PCDHA6: variants seen among roughly 807,000 people sequenced by gnomAD.
PCDHA6 encodes protocadherin alpha 6, also known as protocadherin alpha-6.
In PCDHA6, 55 loss-of-function variants were observed where a neutral mutation model predicts 60.3. The observed-to-expected ratio is 0.91, with a 90% confidence interval of 0.73 to 1.14. The LOEUF (loss-of-function observed/expected upper bound fraction) is 1.14, where lower values mean the gene tolerates loss of function less well. Ranked by LOEUF, PCDHA6 falls within the 50% of genes most tolerant of loss-of-function variation. The pLI, the probability that PCDHA6 is intolerant of heterozygous loss-of-function variation, is 0.00. For synonymous variants in PCDHA6, 652 were observed against 557.9 expected, an observed-to-expected ratio of 1.17 and a Z score of -2.38; for missense variants, 1,327 against 1,256.5, an observed-to-expected ratio of 1.06 and a Z score of -0.85.
intron 1 of PCDHA6, chr5:140,850,568 G>T (rs2150489760): frequency 1.3e-6 from 2 of 1,598,448 alleles, no homozygotes; most frequent in South Asian, 2.2e-5. Context: ...GCCCCGAGGT[G>T]ACGCTGGTGG....
At chr5:140,946,447 A>G (rs1206019841) in intron 1 of PCDHA6, among the ~76,000 whole-genome samples, 6 of 151,544 alleles carry the variant, frequency 4.0e-5, no homozygotes, top group Non-Finnish European at 7.4e-5. Context: ...AGACTAAAAC[A>G]ACTATCCAGC....
intron 1 of PCDHA6, chr5:140,858,627 T>A: frequency 1.8e-6 from 2 of 1,097,414 alleles, no homozygotes; most frequent in South Asian, 1.7e-5. Flanking sequence ...ACCCAGTGTG[T>A]CAGCCTTTGA....
At chr5:140,859,564 T>C (rs1485342006) in intron 1 of PCDHA6, 1 of 176,228 alleles carries the variant, frequency 5.7e-6, no homozygotes, top group African/African-American at 2.4e-5. Context: ...ACCAATGCCA[T>C]GAATTTGTCA....
intron 1 of PCDHA6, chr5:140,868,781 A>G (rs868977486): frequency 3.0e-5 from 9 of 299,116 alleles, no homozygotes; most frequent in African/African-American, 1.5e-4. Flanking sequence ...ATGACTTATA[A>G]TCTGAATATT....
chr5:140,967,769 G>A (rs1213232834), intron 1 of PCDHA6: 1 of 1,614,104 alleles, frequency 6.2e-7, no homozygotes, highest in Non-Finnish European at 8.5e-7. Flanking sequence ...CCAGATCTAT[G>A]TGCAGGCGAC....
At chr5:140,972,353 T>C (rs571045648) in intron 1 of PCDHA6, among the ~76,000 whole-genome samples, 5 of 152,058 alleles carry the variant, frequency 3.3e-5, no homozygotes, top group South Asian at 2.1e-4. Flanking sequence ...TCTCACTATG[T>C]TGCACATGCT....
At chr5:140,850,745 C>G in intron 1 of PCDHA6, 1 of 1,597,954 alleles carries the variant, frequency 6.3e-7, no homozygotes, top group Non-Finnish European at 8.6e-7. Context: ...GTTGGTCGTA[C>G]TCGCAGCAGA....
chr5:140,969,148 G>A, intron 1 of PCDHA6: 2 of 1,614,102 alleles, frequency 1.2e-6, no homozygotes, highest in Non-Finnish European at 8.5e-7. Context: ...ACTGCTACAA[G>A]GCCTGTCTGA....
chr5:140,904,365 A>G (rs1036617665), intron 1 of PCDHA6, among the ~76,000 whole-genome samples: 2 of 151,790 alleles, frequency 1.3e-5, no homozygotes, highest in African/African-American at 4.8e-5. Context: ...CCATTATTTC[A>G]TTCCTTTTTA....
At chr5:140,882,531 C>A (rs781969592) in intron 1 of PCDHA6, 2 of 1,614,218 alleles carry the variant, frequency 1.2e-6, no homozygotes, top group Non-Finnish European at 1.7e-6. Context: ...TTTGTGAATT[C>A]TCGGATCGAC....
At chr5:140,926,117 A>G (rs2082917656) in intron 1 of PCDHA6, among the ~76,000 whole-genome samples, 1 of 152,190 alleles carries the variant, frequency 6.6e-6, no homozygotes, top group Admixed American at 6.5e-5. Flanking sequence ...GGTGCAGGAC[A>G]GACTTCAACC....
At chr5:140,835,694 C>T (rs1554135195) in intron 1 of PCDHA6, 1 of 1,613,768 alleles carries the variant, frequency 6.2e-7, no homozygotes, top group African/African-American at 1.3e-5. Flanking sequence ...CTCTGTGGGC[C>T]ACTGCTAGCG....
intron 1 of PCDHA6, among the ~76,000 whole-genome samples, chr5:140,932,100 CTG>C (rs2088033860): frequency 6.6e-6 from 1 of 151,792 alleles, no homozygotes; most frequent in African/African-American, 2.4e-5. Context: ...GTTTTTATCT[CTG>C]TATTTCCAAT....
In PCDHA6 at chr5:140,828,379, C is replaced by A; in HGVS notation, c.288C>A (p.Cys96Ter). 2 of 1,614,236 alleles carry A rather than the reference C, an allele frequency of 1.2e-6. No homozygotes were observed. Among genetic ancestry groups the A allele is most frequent in the Non-Finnish European group, 1.7e-6 (2 of 1,180,044 alleles). ...CTCGGATCGACCGCGAGGAGCTGTG[C>A]GGGCGGAGCGCGGAGTGCAGCATCC... ...VNSRIDREEL[C>*]GRSAECSIHL... The change falls in exon 1 of 4, where the codon TGC becomes TGA. Residue 96 changes from cysteine (C) to a stop codon, truncating the protein, a stop_gained. Transcript: ENST00000529310. LOFTEE classifies it high-confidence loss of function.
chr5:140,835,736 C>A lies in PCDHA6; in HGVS notation c.2394+5251C>A, dbSNP rs2150243450. 6.2e-6 allele frequency: 10 copies of A among 1,613,590 alleles called. No individual in the cohort carries two copies. The African/African-American group carries it at 1.1e-4, about 17-fold the overall frequency. ...TGGAGGTGGCCGACGTGAACGACAA[C>A]GCCCCGGCGTTCGCGCAGCCCGAGT... is the stretch of plus-strand genomic sequence containing the variant. On this transcript the variant is annotated intron_variant, in intron 1 of 3. Transcript: ENST00000529310.
intron 3 of PCDHA6, among the ~76,000 whole-genome samples, chr5:140,983,526 A>C (rs1421450953): frequency 6.6e-6 from 1 of 152,230 alleles, no homozygotes; most frequent in African/African-American, 2.4e-5. Context: ...TGCCAAGTAC[A>C]TTGTATGTGT....
At chr5:140,860,679 T>C (rs1465789150) in intron 1 of PCDHA6, 1 of 152,238 alleles carries the variant, frequency 6.6e-6, no homozygotes, top group Non-Finnish European at 1.5e-5. Flanking sequence ...AATGCACTTA[T>C]GTTTTGAGCG....
chr5:140,895,257 T>C (rs1180344268), intron 1 of PCDHA6, among the ~76,000 whole-genome samples: 2 of 152,212 alleles, frequency 1.3e-5, no homozygotes, highest in Non-Finnish European at 1.5e-5. Flanking sequence ...AGCTTTCTTT[T>C]TTTTCTTACT....
intron 1 of PCDHA6, chr5:140,870,089 T>A (rs782364525): frequency 6.2e-7 from 1 of 1,613,914 alleles, no homozygotes; most frequent in Admixed American, 1.7e-5. Flanking sequence ...ACTCCCCCAA[T>A]GGCAGGTCAC....
Sources: allele counts gnomAD v4.1 joint callset (sites outside exome capture counted in the v4.1 genomes callset), GRCh38; gene constraint gnomAD v4.1.1; transcripts MANE v1.5; gene names NCBI Gene and HGNC (gene_info 2026-07-23, HGNC 2026-07-21).